TSPAN8: variants seen among roughly 807,000 people sequenced by gnomAD.
The protein encoded by TSPAN8 is tetraspanin 8.
TSPAN8 carries 21 observed loss-of-function variants against 32.8 expected under a neutral mutation model. That is an observed-to-expected ratio of 0.64 (90% confidence interval 0.45 to 0.92). The LOEUF is 0.92. Among genes scored for constraint, TSPAN8 ranks in the 40% least tolerant of loss-of-function variants. The pLI, the probability that TSPAN8 is intolerant of heterozygous loss-of-function variation, is 0.00. For missense variants in TSPAN8, 269 were observed against 281.9 expected (o/e 0.95, Z 0.33); for synonymous variants, 95 against 94.6 (o/e 1.00, Z -0.03).
chr12:71,141,591 C>G (rs1871905561), intron 3 of TSPAN8, among the ~76,000 whole-genome samples: 1 of 152,228 alleles, frequency 6.6e-6, no homozygotes, highest in Admixed American at 6.5e-5. Context: ...ACTTGTGCAG[C>G]AGGTAGTGAG....
At chr12:71,126,107 A>C (rs1871342134) in intron 8 of TSPAN8, among the ~76,000 whole-genome samples, 1 of 152,138 alleles carries the variant, frequency 6.6e-6, no homozygotes, top group African/African-American at 2.4e-5. Context: ...GTGCATTACC[A>C]ATAGAAAGTT....
intron 2 of TSPAN8, among the ~76,000 whole-genome samples, chr12:71,149,726 T>C (rs1217655893): frequency 6.6e-6 from 1 of 152,376 alleles, no homozygotes; most frequent in East Asian, 1.9e-4. Flanking sequence ...AAGCTGAGGA[T>C]GTACGTCACC....
chr12:71,147,780 GAC>G (rs1227499033), intron 2 of TSPAN8, among the ~76,000 whole-genome samples: 1 of 152,106 alleles, frequency 6.6e-6, no homozygotes, highest in African/African-American at 2.4e-5. Context: ...TACTAGAAAA[GAC>G]AACAAAGTCT....
intron 2 of TSPAN8, among the ~76,000 whole-genome samples, chr12:71,155,929 C>T (rs1304299067): frequency 6.6e-6 from 1 of 152,046 alleles, no homozygotes; most frequent in Non-Finnish European, 1.5e-5. Context: ...GGCAGGGTTT[C>T]ACCATGCTGG....
rs1418579734 is a variant in TSPAN8 at position 71,137,855 on chromosome 12, T to C, written c.444+98A>G. On this transcript the variant is annotated intron_variant, in intron 6 of 8. Transcript: ENST00000247829. ...GAATAATCAATCAAAATCTGCAAAA[T>C]GGAGACATTTTTCAATCTTTAAGGA... 19 of 1,121,150 alleles carry C rather than the reference T, an allele frequency of 1.7e-5. No homozygotes were observed. In the South Asian group the frequency reaches 2.7e-4, roughly 16 times the overall value. The allele number at this position is 1,121,150 out of a possible 1,614,324, so 69.5% of individuals were successfully genotyped here.
At chr12:71,141,037 A>G (rs553299249) in intron 3 of TSPAN8, among the ~76,000 whole-genome samples, 13 of 152,388 alleles carry the variant, frequency 8.5e-5, no homozygotes, top group Non-Finnish European at 1.6e-4. Flanking sequence ...AACAGTCAAT[A>G]GGAAGGAATG....
chr12:71,142,189 ATGT>A (rs1247314927), intron 3 of TSPAN8, among the ~76,000 whole-genome samples: 1 of 152,196 alleles, frequency 6.6e-6, no homozygotes, highest in Admixed American at 6.5e-5. Context: ...AAGCTGGTTA[ATGT>A]TGTCCTGGCA....
At chr12:71,137,597 C>A (rs1342898110) in intron 6 of TSPAN8, among the ~76,000 whole-genome samples, 2 of 68,240 alleles carry the variant, frequency 2.9e-5, no homozygotes, top group Non-Finnish European at 8.5e-5. Context: ...AAGACTCTGT[C>A]CCCCCCCAAA....
intron 2 of TSPAN8, among the ~76,000 whole-genome samples, chr12:71,155,285 C>T (rs192717837): frequency 4.1e-4 from 63 of 152,172 alleles, no homozygotes; most frequent in African/African-American, 1.3e-3. Context: ...TCAATGGCTA[C>T]GAACGTCACA....
rs150062322 is a variant in TSPAN8, at chr12:71,140,446, C to A, written c.124-598G>T. ...TTAACTGAAAAGGGACATGAGGGAA[C>A]TTCCATGGGTTAATAAAAATGCTTT... On this transcript the variant is annotated intron_variant, in intron 3 of 8. Transcript: ENST00000247829. Among the ~76,000 whole-genome samples, 359 of 152,308 alleles carry A rather than the reference C, an allele frequency of 2.4e-3. 2 individuals carry two copies. Among genetic ancestry groups the A allele is most frequent in the African/African-American group, 8.3e-3 (346 of 41,566 alleles).
chr12:71,144,311 T>C (rs1872003508), intron 2 of TSPAN8, 98 bp from the exon 3 acceptor site: 4 of 1,016,712 alleles, frequency 3.9e-6, no homozygotes, highest in Non-Finnish European at 2.9e-6. Context: ...TAGTTCATCA[T>C]CGACTATACT....
chr12:71,139,576 C>A (rs1046931363), intron 4 of TSPAN8, 135 bp downstream of exon 4: 8 of 1,228,154 alleles, frequency 6.5e-6, no homozygotes, highest in Middle Eastern at 2.1e-4. Context: ...TCAGCTTCCA[C>A]AATCAAACCT....
At chr12:71,145,143 T>C (rs1353493562) in intron 2 of TSPAN8, among the ~76,000 whole-genome samples, 5 of 152,106 alleles carry the variant, frequency 3.3e-5, no homozygotes, top group African/African-American at 4.8e-5. Context: ...CTTTCGTGCA[T>C]GGTTGAGACA....
chr12:71,140,736 T>G (rs1449355141), intron 3 of TSPAN8, among the ~76,000 whole-genome samples: 2 of 152,194 alleles, frequency 1.3e-5, no homozygotes, highest in African/African-American at 4.8e-5. Flanking sequence ...CCTCGATAAG[T>G]GGATTTATCC....
intron 4 of TSPAN8, among the ~76,000 whole-genome samples, chr12:71,139,497 GATTA>G (rs1871827105): frequency 5.3e-5 from 8 of 152,206 alleles, no homozygotes; most frequent in Non-Finnish European, 7.3e-5. Flanking sequence ...ATGGATGAAT[GATTA>G]AAATTTGTCT....
rs1029280397 is a variant in TSPAN8, at chr12:71,157,943, G to A, written c.-123C>T. 1.9e-5 allele frequency: 8 copies of A among 429,772 alleles called. No individual in the cohort carries two copies. Among genetic ancestry groups the A allele is most frequent in the African/African-American group, 5.9e-5 (3 of 50,514 alleles). The allele number at this position is 429,772 out of a possible 1,614,324, so 26.6% of individuals were successfully genotyped here. On this transcript the variant is annotated 5_prime_UTR_variant, in exon 1 of 9. Coordinates refer to ENST00000247829, the MANE Select transcript of TSPAN8 (RefSeq NM_004616.3). Reference sequence around the variant, plus strand: ...CTATTAACTCACACATTTAAATATCGCAAAGGCTATCTCCAGGCAAGTATG... The same window carrying A: ...CTATTAACTCACACATTTAAATATCACAAAGGCTATCTCCAGGCAAGTATG...
chr12:71,135,520 G>A (rs200951721), intron 6 of TSPAN8, among the ~76,000 whole-genome samples: 2 of 51,024 alleles, frequency 3.9e-5, no homozygotes, highest in African/African-American at 1.1e-4. Context: ...GGAGGAGAAG[G>A]AGGAGAAGGG....
At chr12:71,138,762 A>C (rs1871796792) in intron 4 of TSPAN8, among the ~76,000 whole-genome samples, 1 of 152,182 alleles carries the variant, frequency 6.6e-6, no homozygotes, top group Non-Finnish European at 1.5e-5. Context: ...TTCAATTGCA[A>C]ATGAGGCCTT....
chr12:71,129,669 A>G (rs1209345316), intron 7 of TSPAN8, among the ~76,000 whole-genome samples: 1 of 152,180 alleles, frequency 6.6e-6, no homozygotes, highest in East Asian at 1.9e-4. Context: ...GAATCTAGGG[A>G]TTAATAATTA....
Sources: allele counts gnomAD v4.1 joint callset (sites outside exome capture counted in the v4.1 genomes callset), GRCh38; gene constraint gnomAD v4.1.1; transcripts MANE v1.5; gene names NCBI Gene and HGNC (gene_info 2026-07-23, HGNC 2026-07-21).